The following AREL1 variants were observed in gnomAD, a reference collection of about 807,000 sequenced individuals.
AREL1 encodes apoptosis-resistant E3 ubiquitin protein ligase 1.
A neutral mutation model predicts 99.0 loss-of-function variants in AREL1; 62 were observed. The ratio of observed to expected loss-of-function variants is 0.63; its 90% CI spans 0.51 to 0.77. The LOEUF (loss-of-function observed/expected upper bound fraction) is 0.77. Ranked by LOEUF, AREL1 falls within the 30% of genes least tolerant of loss-of-function variation. The pLI, the probability that AREL1 is intolerant of heterozygous loss-of-function variation, is 0.00. For synonymous variants in AREL1, 380 were observed against 376.5 expected (o/e 1.01, Z -0.11); for missense variants, 879 against 1,027.6 (o/e 0.86, Z 1.98).
rs780578876 is a variant in AREL1, at chr14:74,676,367, A to G, written c.652-46T>C. 4 of 1,589,078 alleles carry G rather than the reference A, an allele frequency of 2.5e-6. No individual in the cohort carries two copies. In the East Asian group the frequency reaches 6.7e-5, roughly 27 times the overall value. On this transcript the variant is annotated intron_variant, in intron 6 of 19. Coordinates refer to ENST00000356357, the MANE Select transcript of AREL1 (RefSeq NM_001039479.2). ...ATCACTTAACATATAGTATTTTCCC[A>G]TTTACAAGCCACTTTACTCCTTACA...
intron 8 of AREL1, 105 bp downstream of exon 8, chr14:74,675,594 T>A (rs1212516205): frequency 1.4e-6 from 2 of 1,467,628 alleles, no homozygotes; most frequent in East Asian, 4.6e-5. Flanking sequence ...TAGTTAACAA[T>A]CTTGCCCTGA....
chr14:74,709,305 C>T (rs1387660375), intron 1 of AREL1, among the ~76,000 whole-genome samples: 2 of 152,080 alleles, frequency 1.3e-5, no homozygotes, highest in African/African-American at 4.8e-5. Context: ...CACTAGAGTC[C>T]ATTAAGGTCA....
intron 8 of AREL1, among the ~76,000 whole-genome samples, chr14:74,675,216 G>A (rs1440305991): frequency 6.6e-6 from 1 of 152,086 alleles, no homozygotes; most frequent in African/African-American, 2.4e-5. Context: ...AATGAAGAAT[G>A]GTACACAGCA....
intron 1 of AREL1, chr14:74,698,866 A>T (rs1034227622): frequency 9.6e-6 from 2 of 208,782 alleles, no homozygotes; most frequent in African/African-American, 4.7e-5. Flanking sequence ...TCTAAAAAAA[A>T]AAAAAAAAAA....
At chr14:74,701,840 T>C (rs2090091437) in intron 1 of AREL1, 1 of 152,224 alleles carries the variant, frequency 6.6e-6, no homozygotes, top group African/African-American at 2.4e-5. Flanking sequence ...TGGGTAAATA[T>C]ACCTGTTCCA....
Position 74,662,629 on chromosome 14 carries a change from T to C in AREL1, c.*1091A>G. 2.5e-6 allele frequency: 1 copy of C among 398,600 alleles called. No individual in the cohort carries two copies. Among genetic ancestry groups the C allele is most frequent in the Non-Finnish European group, 4.4e-6 (1 of 226,074 alleles). The allele number at this position is 398,600 out of a possible 1,614,324, so 24.7% of individuals were successfully genotyped here. A position where few individuals can be genotyped will look rare whatever the true frequency, so the allele number is the denominator to read the frequency against. On this transcript the variant is annotated 3_prime_UTR_variant, in exon 20 of 20. Transcript: ENST00000356357. ...AGTACAGGGGTTGGCAGGTGTTTAC[T>C]GTGTAACATATCACCTCCATGTTCA...
At chr14:74,682,511 T>C (rs2089652870) in intron 5 of AREL1, among the ~76,000 whole-genome samples, 1 of 152,190 alleles carries the variant, frequency 6.6e-6, no homozygotes, top group Non-Finnish European at 1.5e-5. Flanking sequence ...AAATACGGCA[T>C]GTACATAAAA....
chr14:74,708,122 A>T (rs2139996250), intron 1 of AREL1, among the ~76,000 whole-genome samples: 1 of 152,288 alleles, frequency 6.6e-6, no homozygotes, highest in South Asian at 2.1e-4. Context: ...CTTAGATGTG[A>T]CAGTATGTGC....
rs2089922402 is a variant in AREL1 at position 74,693,382 on chromosome 14, G to A, written c.-333-1054C>T. ...TTTCAAAATAAAGTCACTAAATAAA[G>A]TCCAGTAAAGTCAGTTTATAACTCT... On this transcript the variant is annotated intron_variant, in intron 1 of 19. Transcript: ENST00000356357. Among the ~76,000 whole-genome samples, 5 of 152,114 alleles carry A rather than the reference G, an allele frequency of 3.3e-5. No individual in the cohort carries two copies. The South Asian group carries it at 1.0e-3, about 31-fold the overall frequency.
intron 2 of AREL1, among the ~76,000 whole-genome samples, chr14:74,688,306 T>C (rs2089794629): frequency 6.6e-6 from 1 of 152,064 alleles, no homozygotes; most frequent in African/African-American, 2.4e-5. Context: ...ATTACAGGCG[T>C]GAGCCACCAC....
At chr14:74,683,177 G>T in intron 5 of AREL1, 119 bp downstream of exon 5, 1 of 740,724 alleles carries the variant, frequency 1.4e-6, no homozygotes, top group Non-Finnish European at 2.2e-6. Context: ...TTAAAAGGAT[G>T]AATTTTATGG....
At chr14:74,710,163 AG>A (rs2090254074) in intron 1 of AREL1, among the ~76,000 whole-genome samples, 1 of 152,208 alleles carries the variant, frequency 6.6e-6, no homozygotes, top group African/African-American at 2.4e-5. Context: ...AATGCTGTAG[AG>A]TATCTGACCA....
rs1417553589 is a variant in AREL1 at position 74,669,983 on chromosome 14, GA to G, written c.1751del (p.Phe584SerfsTer6). ...TACGCAGTCCTATGATTTGGGCCAGGAAAGAGCGGGTGAAGCGAGCTCGGAC... is the reference window on the plus strand; with the variant it reads ...TACGCAGTCCTATGATTTGGGCCAGGAAGAGCGGGTGAAGCGAGCTCGGAC... The part of the protein sequence containing the change: ...QLVRARFTRS[F>X]LAQIIGLRMH... On this transcript the variant is annotated frameshift_variant, in exon 14 of 20. Coordinates refer to ENST00000356357, the MANE Select transcript of AREL1 (RefSeq NM_001039479.2). LOFTEE classifies it high-confidence loss of function. 6.2e-7 allele frequency: 1 copy of G among 1,613,586 alleles called. No homozygotes were observed. Among genetic ancestry groups the G allele is most frequent in the Non-Finnish European group, 8.5e-7 (1 of 1,179,670 alleles).
At chr14:74,708,037 G>A (rs1003299111) in intron 1 of AREL1, among the ~76,000 whole-genome samples, 1 of 151,680 alleles carries the variant, frequency 6.6e-6, no homozygotes, top group African/African-American at 2.4e-5. Flanking sequence ...TATAGAAAAA[G>A]GAAATTAGTG....
chr14:74,670,561 C>T, intron 13 of AREL1: 1 of 535,062 alleles, frequency 1.9e-6, no homozygotes, highest in Non-Finnish European at 3.3e-6. Context: ...ATTCAGCTGC[C>T]TGCATTTTTG....
chr14:74,707,517 C>A (rs895183684), intron 1 of AREL1, among the ~76,000 whole-genome samples: 3 of 151,878 alleles, frequency 2.0e-5, no homozygotes, highest in Admixed American at 2.0e-4. Context: ...AAAAAATGGC[C>A]GGGCACAGTG....
rs1203241047 is a variant in AREL1, at chr14:74,662,593, G to A, written c.*1127C>T. 2.0e-5 allele frequency: 8 copies of A among 398,344 alleles called. No homozygotes were observed. In the South Asian group the frequency reaches 7.6e-4, roughly 38 times the overall value. 24.7% of individuals were successfully genotyped at this position (398,344 alleles called of 1,614,324 possible). A position where few individuals can be genotyped will look rare whatever the true frequency, so the allele number is the denominator to read the frequency against. ...TAGTTCTCCTTCCTGATAACTGATG[G>A]AGCAAAGGGGAGTACAGGGGTTGGC... On this transcript the variant is annotated 3_prime_UTR_variant, in exon 20 of 20. Coordinates refer to ENST00000356357, the MANE Select transcript of AREL1 (RefSeq NM_001039479.2).
At position 74,676,503 on chromosome 14, in the gene AREL1, C is replaced by T. The variant is rs142892455; in HGVS notation, c.651+80G>A. 4.6e-5 allele frequency: 68 copies of T among 1,491,358 alleles called. No individual in the cohort carries two copies. In the African/African-American group the frequency reaches 8.1e-4, roughly 18 times the overall value. The allele number at this position is 1,491,358 out of a possible 1,614,324, so 92.4% of individuals were successfully genotyped here. A position where few individuals can be genotyped will look rare whatever the true frequency, so the allele number is the denominator to read the frequency against. ...AAGTCAAGGAGAAGGAAAGAGAGAT[C>T]GAAGTGAATTAGGTGTGAGAATAAC... On this transcript the variant is annotated intron_variant, in intron 6 of 19. Transcript: ENST00000356357.
In AREL1 at chr14:74,663,898, C is replaced by T. The variant is rs1199599554; in HGVS notation, c.2369+1G>A. The T allele has an allele frequency of 6.2e-7, 1 of 1,614,204 alleles. No individual in the cohort carries two copies. Among genetic ancestry groups the T allele is most frequent in the Admixed American group, 1.7e-5 (1 of 60,018 alleles). On this transcript the variant is annotated splice_donor_variant, in intron 19 of 19. Coordinates refer to ENST00000356357, the MANE Select transcript of AREL1 (RefSeq NM_001039479.2). LOFTEE classifies it high-confidence loss of function. The stretch of plus-strand genomic sequence containing the variant: ...CATGCATCAGGCGGGCAGATACCTA[C>T]CATGTGTGTGCAGTAGGCAGCGTGC...
Sources: gnomAD v4.1 joint callset for allele counts (sites outside exome capture counted in the v4.1 genomes callset) on GRCh38, gnomAD v4.1.1 for gene constraint, MANE v1.5 for transcripts, NCBI Gene and HGNC (gene_info 2026-07-23, HGNC 2026-07-21) for gene names.